PCCB: variants seen among roughly 807,000 people sequenced by gnomAD.
PCCB encodes propionyl-CoA carboxylase beta chain, mitochondrial.
PCCB carries 43 observed loss-of-function variants against 60.7 expected under a neutral mutation model. The ratio of observed to expected loss-of-function variants is 0.71; its 90% confidence interval spans 0.55 to 0.91. The LOEUF (loss-of-function observed/expected upper bound fraction) is 0.91, where lower values mean the gene tolerates loss of function less well. Among genes scored for constraint, PCCB ranks in the 40% least tolerant of loss-of-function variants. The pLI is 0.00. For synonymous variants in PCCB, 276 were observed against 255.9 expected, an observed-to-expected ratio of 1.08 and a Z score of -0.75; for missense variants, 766 against 702.8, an observed-to-expected ratio of 1.09 and a Z score of -1.02.
At chr3:136,270,452 G>C (rs1350762134) in intron 5 of PCCB, among the ~76,000 whole-genome samples, 1 of 152,076 alleles carries the variant, frequency 6.6e-6, no homozygotes, top group Non-Finnish European at 1.5e-5. Flanking sequence ...CAGTAAGACA[G>C]AACACTCACA....
chr3:136,292,236 G>GTT (rs11385401), intron 6 of PCCB, among the ~76,000 whole-genome samples: 223 of 144,972 alleles, frequency 1.5e-3, no homozygotes, highest in Middle Eastern at 7.1e-3. Flanking sequence ...TGTGTCTCTA[G>GTT]TTTTTTTTTT....
intron 4 of PCCB, 100 bp from the exon 5 acceptor site, chr3:136,261,852 G>A (rs368662776): frequency 8.8e-6 from 7 of 792,244 alleles, no homozygotes; most frequent in Admixed American, 8.0e-5. Context: ...TTTGAAAAGT[G>A]CACTCAGAAC....
At chr3:136,252,322 C>A (rs1238194708) in intron 1 of PCCB, 1 of 454,838 alleles carries the variant, frequency 2.2e-6, no homozygotes, top group Non-Finnish European at 4.4e-6. Context: ...CAGCAGCTCA[C>A]TGCAACTTCT....
At chr3:136,266,294 A>G (rs1941981275) in intron 5 of PCCB, among the ~76,000 whole-genome samples, 1 of 151,794 alleles carries the variant, frequency 6.6e-6, no homozygotes, top group Non-Finnish European at 1.5e-5. Flanking sequence ...ATGGCTGGCT[A>G]ATTTTGGTAT....
intron 9 of PCCB, among the ~76,000 whole-genome samples, chr3:136,303,325 T>C (rs1934354413): frequency 8.2e-6 from 1 of 121,950 alleles, no homozygotes; most frequent in African/African-American, 2.5e-5. Flanking sequence ...TGTTGTTTAT[T>C]TTGTTCTTAA....
intron 9 of PCCB, among the ~76,000 whole-genome samples, chr3:136,309,262 C>CAAA (rs1202774808): frequency 4.3e-5 from 2 of 46,996 alleles, no homozygotes; most frequent in Admixed American, 2.3e-4. Flanking sequence ...GACTCCATCT[C>CAAA]AAAAAAAAAA....
intron 10 of PCCB, among the ~76,000 whole-genome samples, chr3:136,319,516 G>T (rs1161830312): frequency 6.6e-6 from 1 of 151,670 alleles, no homozygotes; most frequent in African/African-American, 2.4e-5. Flanking sequence ...TCTCACCTCA[G>T]CATCCCAAAT....
chr3:136,299,566 ATATGCATGTGTATGTATAGG>A lies in PCCB; in HGVS notation c.885-1446_885-1427del, dbSNP rs1290875596. On this transcript the variant is annotated intron_variant, in intron 8 of 14. Coordinates refer to ENST00000251654, the MANE Select transcript of PCCB (RefSeq NM_000532.5). ...TATAGGTATGCATGTGTATGTATGT[ATATGCATGTGTATGTATAGG>A]TATGCATGTGTATGTATGTATATGC... Among the ~76,000 whole-genome samples the A allele has an allele frequency of 2.1e-4, 23 of 107,796 alleles. 1 individual carries two copies. The highest frequency in any genetic ancestry group is 1.2e-3 in the South Asian group (4 of 3,446). The allele number at this position is 107,796 out of a possible 152,430, so 70.7% of individuals were successfully genotyped here. A position where few individuals can be genotyped will look rare whatever the true frequency, so the allele number is the denominator to read the frequency against.
chr3:136,264,396 G>A (rs566383799), intron 5 of PCCB, among the ~76,000 whole-genome samples: 207 of 146,998 alleles, frequency 1.4e-3, no homozygotes, highest in African/African-American at 5.1e-3. Context: ...CTATGTGCGC[G>A]CTCTCGCTCT....
chr3:136,317,708 G>C (rs1934959067), intron 10 of PCCB, among the ~76,000 whole-genome samples: 1 of 152,144 alleles, frequency 6.6e-6, no homozygotes, highest in South Asian at 2.1e-4. Flanking sequence ...ATGAGGGCAG[G>C]GGTGGTGATG....
intron 2 of PCCB, chr3:136,256,287 G>T (rs1941669229): frequency 3.5e-6 from 2 of 571,362 alleles, no homozygotes; most frequent in African/African-American, 1.9e-5. Flanking sequence ...ATAGAGAAGT[G>T]GTGGCCCTGG....
intron 5 of PCCB, among the ~76,000 whole-genome samples, chr3:136,282,225 A>C (rs117907653): frequency 6.6e-6 from 1 of 152,348 alleles, no homozygotes; most frequent in East Asian, 1.9e-4. Flanking sequence ...GTTATTAATA[A>C]ATGTGAAGTT....
intron 3 of PCCB, among the ~76,000 whole-genome samples, chr3:136,256,853 A>G (rs1179864142): frequency 6.6e-6 from 1 of 152,224 alleles, no homozygotes; most frequent in Non-Finnish European, 1.5e-5. Context: ...GTACAAAGGT[A>G]TCCCAAGAAC....
At chr3:136,291,710 G>T (rs1389773267) in intron 6 of PCCB, among the ~76,000 whole-genome samples, 2 of 152,182 alleles carry the variant, frequency 1.3e-5, no homozygotes, top group Admixed American at 1.3e-4. Flanking sequence ...AACTTCAGCA[G>T]GTTAGGCTCT....
chr3:136,292,236 G>GTTTT (rs11385401), intron 6 of PCCB, among the ~76,000 whole-genome samples: 1 of 144,982 alleles, frequency 6.9e-6, no homozygotes, highest in Admixed American at 6.9e-5. Context: ...TGTGTCTCTA[G>GTTTT]TTTTTTTTTT....
intron 3 of PCCB, among the ~76,000 whole-genome samples, 196 bp downstream of exon 3, chr3:136,256,819 G>C (rs971643437): frequency 1.3e-5 from 2 of 152,172 alleles, no homozygotes; most frequent in African/African-American, 2.4e-5. Context: ...TCTGTTTTGG[G>C]GGGGATCACA....
intron 9 of PCCB, among the ~76,000 whole-genome samples, chr3:136,312,291 G>C (rs953431750): frequency 6.6e-6 from 1 of 152,204 alleles, no homozygotes; most frequent in African/African-American, 2.4e-5. Flanking sequence ...ATAGTCTGTT[G>C]CTCTTAGGCT....
rs770342107 is a variant in PCCB, at chr3:136,308,880, A to G, written c.966+7769A>G. ...TGACAGAATTCTAAAAGAAAAAAAG[A>G]CAAAACACTATGTGTCAAAACCTAT... On this transcript the variant is annotated intron_variant, in intron 9 of 14. Coordinates refer to ENST00000251654, the MANE Select transcript of PCCB (RefSeq NM_000532.5). Among the ~76,000 whole-genome samples, 23 of 152,202 alleles carry G rather than the reference A, an allele frequency of 1.5e-4. 1 individual carries two copies. The highest frequency in any genetic ancestry group is 2.8e-4 in the Non-Finnish European group (19 of 68,028).
At chr3:136,318,238 G>C (rs909886098) in intron 10 of PCCB, among the ~76,000 whole-genome samples, 2 of 152,122 alleles carry the variant, frequency 1.3e-5, no homozygotes, top group Non-Finnish European at 2.9e-5. Context: ...CAGCTACTTG[G>C]GAGGCTGAGG....
Sources: allele counts gnomAD v4.1 joint callset (sites outside exome capture counted in the v4.1 genomes callset), GRCh38; gene constraint gnomAD v4.1.1; transcripts MANE v1.5; gene names NCBI Gene and HGNC (gene_info 2026-07-23, HGNC 2026-07-21).